Variants in DENND5A observed in about 807,000 individuals in gnomAD.
DENND5A encodes DENN domain containing 5A.
Under a neutral mutation model 140.3 loss-of-function variants are expected in DENND5A, and 64 were observed. The ratio of observed to expected loss-of-function variants is 0.46; its 90% CI spans 0.37 to 0.56. The LOEUF (loss-of-function observed/expected upper bound fraction) is 0.56, where lower values mean the gene tolerates loss of function less well. DENND5A is among the 20% of genes least tolerant of loss of function. The pLI, the probability that DENND5A is intolerant of heterozygous loss-of-function variation, is 0.00. For missense variants in DENND5A, 1,292 were observed against 1,593.8 expected (o/e 0.81, Z 3.22); for synonymous variants, 605 against 607.7 (o/e 1.00, Z 0.07).
At chr11:9,141,612 A>G (rs747397979) in intron 22 of DENND5A, among the ~76,000 whole-genome samples, 8 of 152,220 alleles carry the variant, frequency 5.3e-5, no homozygotes, top group Non-Finnish European at 1.0e-4. Flanking sequence ...TGTGCTGAAT[A>G]CCGTAGGCAA....
intron 1 of DENND5A, among the ~76,000 whole-genome samples, chr11:9,249,107 A>T (rs1851604733): frequency 6.6e-6 from 1 of 151,962 alleles, no homozygotes; most frequent in Admixed American, 6.6e-5. Context: ...GGGCGCCTGT[A>T]GTCCCAGTTA....
At chr11:9,257,382 G>A (rs1296858800) in intron 1 of DENND5A, among the ~76,000 whole-genome samples, 2 of 145,194 alleles carry the variant, frequency 1.4e-5, no homozygotes, top group Non-Finnish European at 3.0e-5. Context: ...AGTGAGTCAT[G>A]ATTGTGCCAC....
At chr11:9,189,583 T>C (rs1179903689) in intron 5 of DENND5A, among the ~76,000 whole-genome samples, 1 of 150,724 alleles carries the variant, frequency 6.6e-6, no homozygotes, top group Non-Finnish European at 1.5e-5. Flanking sequence ...CCCAAGACTA[T>C]GGGAACCCAC....
intron 1 of DENND5A, among the ~76,000 whole-genome samples, chr11:9,257,797 C>CTT (rs749671777): frequency 2.3e-5 from 3 of 132,682 alleles, no homozygotes; most frequent in African/African-American, 8.4e-5. Context: ...ACACAGTATT[C>CTT]TTTTTTTTTT....
Position 9,170,746 on chromosome 11 carries a change from A to C in DENND5A, c.1938T>G (p.Ile646Met). ...AATGTGGGTGAATTGCAGTATGGTC[A>C]ATTTTTGCCAGACGCAGCTCAATTG... ...EKAIELRLAK[I>M]DHTAIHPHLL... The change falls in exon 9 of 23, where the codon ATT (isoleucine) becomes ATG (methionine). Residue 646 changes from isoleucine (I) to methionine (M), a missense_variant. Transcript: ENST00000328194. 1 of 1,613,794 alleles carries C rather than the reference A, an allele frequency of 6.2e-7. No individual in the cohort carries two copies. Among genetic ancestry groups the C allele is most frequent in the Non-Finnish European group, 8.5e-7 (1 of 1,179,964 alleles).
chr11:9,241,136 A>G (rs571855035), intron 1 of DENND5A, among the ~76,000 whole-genome samples: 1 of 152,326 alleles, frequency 6.6e-6, no homozygotes, highest in Non-Finnish European at 1.5e-5. Context: ...ATTTGAAACC[A>G]GAACTGAAAG....
At chr11:9,259,279 C>T (rs750233033) in intron 1 of DENND5A, among the ~76,000 whole-genome samples, 1 of 151,116 alleles carries the variant, frequency 6.6e-6, no homozygotes, top group Non-Finnish European at 1.5e-5. Flanking sequence ...AAACAACAGG[C>T]CAGGCGTGGT....
At chr11:9,245,158 G>A (rs970445168) in intron 1 of DENND5A, among the ~76,000 whole-genome samples, 6 of 148,956 alleles carry the variant, frequency 4.0e-5, no homozygotes, top group African/African-American at 1.2e-4. Context: ...GGTGGCACGC[G>A]CCTATAGTCC....
chr11:9,174,666 C>T (rs1229200925), intron 8 of DENND5A, among the ~76,000 whole-genome samples: 1 of 151,994 alleles, frequency 6.6e-6, no homozygotes, highest in African/African-American at 2.4e-5. Context: ...CACCACTGCA[C>T]TCTAGCCTGA....
Position 9,258,477 on chromosome 11 carries a change from T to C in DENND5A, c.109+6484A>G, listed in dbSNP as rs138830755. 4.0e-3 allele frequency among the ~76,000 whole-genome samples: 614 copies of C among 152,302 alleles called. 9 individuals are homozygous for C. The highest frequency in any genetic ancestry group is 0.029 in the East Asian group (151 of 5,182). On this transcript the variant is annotated intron_variant, in intron 1 of 22. Coordinates refer to ENST00000328194, the MANE Select transcript of DENND5A (RefSeq NM_015213.4). ...GAACTCATCCTTTTTTATGGCTGCA[T>C]AGTATTCCATGATGTGTATGTGCCA...
chr11:9,261,974 A>AT (rs1223088177), intron 1 of DENND5A, among the ~76,000 whole-genome samples: 1 of 152,074 alleles, frequency 6.6e-6, no homozygotes, highest in Non-Finnish European at 1.5e-5. Flanking sequence ...CTCTTTACAC[A>AT]TTTTATACAA....
intron 1 of DENND5A, among the ~76,000 whole-genome samples, chr11:9,261,040 A>T (rs1852173697): frequency 9.6e-4 from 1 of 1,044 alleles, no homozygotes; most frequent in African/African-American, 1.0e-3. Context: ...TGTAGAGATA[A>T]GAGTCTTGCC....
In DENND5A at chr11:9,179,084, A is replaced by G; in HGVS notation, c.1456-11T>C. On this transcript the variant is annotated splice_polypyrimidine_tract_variant and intron_variant, in intron 6 of 22. Transcript: ENST00000328194. ...TTCACGCACTTCCAACTACAAAAAA[A>G]GAAAAAGCAGTTGAGAACACATACA... The G allele has an allele frequency of 6.2e-7, 1 of 1,611,886 alleles. No individual in the cohort carries two copies. Among genetic ancestry groups the G allele is most frequent in the Non-Finnish European group, 8.5e-7 (1 of 1,178,574 alleles).
At chr11:9,245,270 C>T (rs115253309) in intron 1 of DENND5A, 1 of 125,362 alleles carries the variant, frequency 8.0e-6, no homozygotes, top group Non-Finnish European at 1.6e-5. Flanking sequence ...GGCGACAGAG[C>T]AAGACTGTCA....
At chr11:9,161,442 G>A (rs1167589101) in intron 11 of DENND5A, among the ~76,000 whole-genome samples, 1 of 152,076 alleles carries the variant, frequency 6.6e-6, no homozygotes, top group African/African-American at 2.4e-5. Flanking sequence ...TTCAGTTTTT[G>A]CATTTATGCA....
intron 15 of DENND5A, 35 bp from the exon 16 acceptor site, chr11:9,147,186 C>T: frequency 6.2e-7 from 1 of 1,604,830 alleles, no homozygotes; most frequent in East Asian, 2.2e-5. Context: ...AGTCTCCGAC[C>T]AAAAGGAAGG....
At chr11:9,160,179 T>C (rs552362239) in intron 12 of DENND5A, among the ~76,000 whole-genome samples, 1 of 152,378 alleles carries the variant, frequency 6.6e-6, no homozygotes, top group South Asian at 2.1e-4. Context: ...AAAAGGTATC[T>C]ATCTTGACTA....
chr11:9,207,322 T>C, intron 2 of DENND5A: 1 of 522,536 alleles, frequency 1.9e-6, no homozygotes. Context: ...TCTGGAATTG[T>C]CCTTTGTTTT....
chr11:9,190,421 A>G (rs1231111409), intron 5 of DENND5A, among the ~76,000 whole-genome samples: 1 of 152,122 alleles, frequency 6.6e-6, no homozygotes, highest in South Asian at 2.1e-4. Flanking sequence ...GGTCTTTCCC[A>G]TGCTGTTCTC....
Sources: allele counts gnomAD v4.1 joint callset (sites outside exome capture counted in the v4.1 genomes callset), GRCh38; gene constraint gnomAD v4.1.1; transcripts MANE v1.5; gene names NCBI Gene and HGNC (gene_info 2026-07-23, HGNC 2026-07-21).